MAST4: variants seen among roughly 807,000 people sequenced by gnomAD.
The protein encoded by MAST4 is microtubule associated serine/threonine kinase family member 4, also known as microtubule-associated serine/threonine-protein kinase 4.
MAST4 carries 89 observed loss-of-function variants against 162.7 expected under a neutral mutation model. That is an observed-to-expected ratio of 0.55 (90% CI 0.46 to 0.65). The LOEUF (loss-of-function observed/expected upper bound fraction) is 0.65. Ranked by LOEUF, MAST4 falls within the 30% of genes least tolerant of loss-of-function variation. MAST4 has a pLI of 0.00. For synonymous variants in MAST4, 1,479 were observed against 1,361.1 expected, an observed-to-expected ratio of 1.09 and a Z score of -1.91; for missense variants, 3,153 against 3,374.0, an observed-to-expected ratio of 0.93 and a Z score of 1.62.
chr5:67,134,427 G>A, intron 17 of MAST4, 96 bp from the exon 18 acceptor site: 2 of 1,085,892 alleles, frequency 1.8e-6, no homozygotes, highest in Non-Finnish European at 2.6e-6. Context: ...GGTTGAGCAG[G>A]TGCATTCTGG....
chr5:66,930,873 G>A (rs1348000638), intron 4 of MAST4: 9 of 450,804 alleles, frequency 2.0e-5, no homozygotes, highest in Non-Finnish European at 4.1e-5. Flanking sequence ...AATTGTTGTG[G>A]CAGAACTGAG....
Position 66,621,976 on chromosome 5 carries a change from G to A in MAST4, c.363+24958G>A, listed in dbSNP as rs187079057. Among the ~76,000 whole-genome samples the A allele has an allele frequency of 4.8e-3, 724 of 152,284 alleles. 2 individuals are homozygous for A. Among genetic ancestry groups the A allele is most frequent in the Non-Finnish European group, 7.0e-3 (476 of 68,034 alleles). The stretch of plus-strand genomic sequence containing the variant: ...GCCATAGCCAATACGTCCATGAAAG[G>A]ATATAGCTGTGTTCCAACAACACTG... On this transcript the variant is annotated intron_variant, in intron 1 of 28. Transcript: ENST00000403625.
In MAST4 at chr5:67,020,818, T is replaced by C. The variant is rs183116452; in HGVS notation, c.675-33586T>C. Among the ~76,000 whole-genome samples the C allele has an allele frequency of 3.9e-5, 6 of 152,322 alleles. No individual in the cohort carries two copies. The East Asian group carries it at 1.2e-3, about 29-fold the overall frequency. The stretch of plus-strand genomic sequence containing the variant: ...TGGATTGTGACGCACTTAGAGCAAG[T>C]GTAGACAGACTACAGCCTGCAGGCC... On this transcript the variant is annotated intron_variant, in intron 4 of 28. Transcript: ENST00000403625.
At chr5:66,999,923 G>A (rs1172310894) in intron 4 of MAST4, among the ~76,000 whole-genome samples, 1 of 152,104 alleles carries the variant, frequency 6.6e-6, no homozygotes, top group Non-Finnish European at 1.5e-5. Context: ...TTTTAGCATT[G>A]TGAGTGCAAA....
At chr5:67,120,068 TA>T (rs1455632365) in intron 13 of MAST4, among the ~76,000 whole-genome samples, 1 of 152,218 alleles carries the variant, frequency 6.6e-6, no homozygotes. Flanking sequence ...AGGTGATGAC[TA>T]AATAGATCCA....
chr5:66,930,295 A>G (rs1742040945), intron 4 of MAST4, among the ~76,000 whole-genome samples: 1 of 152,220 alleles, frequency 6.6e-6, no homozygotes, highest in African/African-American at 2.4e-5. Flanking sequence ...CAGCAGCAAC[A>G]ACATCTTGGC....
intron 4 of MAST4, among the ~76,000 whole-genome samples, chr5:66,947,349 C>T (rs1744164441): frequency 6.6e-6 from 1 of 152,094 alleles, no homozygotes; most frequent in Non-Finnish European, 1.5e-5. Context: ...TTCTTTTCTT[C>T]CTGTGCCCTA....
chr5:66,754,898 C>T lies in MAST4; in HGVS notation c.364-4811C>T, dbSNP rs551269220. Among the ~76,000 whole-genome samples, 166 of 152,258 alleles carry T rather than the reference C, an allele frequency of 1.1e-3. 1 individual carries two copies. Among genetic ancestry groups the T allele is most frequent in the Non-Finnish European group, 1.6e-3 (112 of 68,024 alleles). On this transcript the variant is annotated intron_variant, in intron 1 of 28. Transcript: ENST00000403625. Reference sequence around the variant, plus strand: ...ACAGAGGGGGCACAATAGCTAATATCTGGAATGTGTCGCAGGTAGAGGAAA... The same window carrying T: ...ACAGAGGGGGCACAATAGCTAATATTTGGAATGTGTCGCAGGTAGAGGAAA...
At chr5:66,897,662 C>A (rs937799043) in intron 3 of MAST4, among the ~76,000 whole-genome samples, 1 of 152,184 alleles carries the variant, frequency 6.6e-6, no homozygotes, top group Non-Finnish European at 1.5e-5. Context: ...GCTTGGTTAG[C>A]GTGGTAGCTT....
At chr5:66,845,860 G>A (rs1478969826) in intron 3 of MAST4, among the ~76,000 whole-genome samples, 1 of 152,060 alleles carries the variant, frequency 6.6e-6, no homozygotes, top group African/African-American at 2.4e-5. Flanking sequence ...TTTATTTATT[G>A]GGCAGTATAT....
intron 15 of MAST4, 83 bp downstream of exon 15, chr5:67,130,501 C>T: frequency 1.4e-6 from 2 of 1,387,232 alleles, no homozygotes; most frequent in African/African-American, 2.8e-5. Flanking sequence ...ATTTGTGCCA[C>T]ATAATGGCTG....
At chr5:66,849,367 G>C (rs758984957) in intron 3 of MAST4, among the ~76,000 whole-genome samples, 3 of 152,060 alleles carry the variant, frequency 2.0e-5, no homozygotes, top group Non-Finnish European at 4.4e-5. Context: ...TTTGTTGGCT[G>C]GTTCTCCTTC....
intron 4 of MAST4, among the ~76,000 whole-genome samples, chr5:67,024,296 C>G (rs1401196509): frequency 1.4e-5 from 2 of 148,114 alleles, no homozygotes; most frequent in Non-Finnish European, 3.0e-5. Context: ...CACTGTTCAG[C>G]CTGAAACAAG....
intron 1 of MAST4, among the ~76,000 whole-genome samples, chr5:66,710,833 C>T (rs1249320472): frequency 6.6e-6 from 1 of 152,162 alleles, no homozygotes; most frequent in Non-Finnish European, 1.5e-5. Context: ...ATAATTAAAA[C>T]AACATGTAGC....
At chr5:66,960,668 G>A (rs1231475724) in intron 4 of MAST4, among the ~76,000 whole-genome samples, 2 of 152,088 alleles carry the variant, frequency 1.3e-5, no homozygotes, top group African/African-American at 4.8e-5. Flanking sequence ...CTGTTTCCTG[G>A]TTGTTTTCTT....
At chr5:66,731,452 T>C (rs1336544205) in intron 1 of MAST4, among the ~76,000 whole-genome samples, 2 of 152,234 alleles carry the variant, frequency 1.3e-5, no homozygotes, top group South Asian at 2.1e-4. Flanking sequence ...CCTTCACTTA[T>C]GCTATTGCTT....
chr5:66,652,111 ACAT>A (rs1746263581), intron 1 of MAST4, among the ~76,000 whole-genome samples: 1 of 152,170 alleles, frequency 6.6e-6, no homozygotes, highest in East Asian at 1.9e-4. Context: ...TACCATAATT[ACAT>A]TGTTGTATAC....
chr5:66,975,803 G>T (rs1374922873), intron 4 of MAST4, among the ~76,000 whole-genome samples: 1 of 152,116 alleles, frequency 6.6e-6, no homozygotes, highest in Non-Finnish European at 1.5e-5. Flanking sequence ...AGACCAGCCT[G>T]GCCAATATGG....
At chr5:67,063,220 A>G (rs1176916803) in intron 5 of MAST4, among the ~76,000 whole-genome samples, 2 of 151,898 alleles carry the variant, frequency 1.3e-5, no homozygotes, top group Admixed American at 1.3e-4. Context: ...GTAATGACAC[A>G]TCTTGCCCTT....
Sources: gnomAD v4.1 joint callset for allele counts (sites outside exome capture counted in the v4.1 genomes callset) on GRCh38, gnomAD v4.1.1 for gene constraint, MANE v1.5 for transcripts, NCBI Gene and HGNC (gene_info 2026-07-23, HGNC 2026-07-21) for gene names.